Variants in SORL1 observed in about 807,000 individuals in gnomAD.
SORL1 encodes the protein sortilin related receptor 1.
A neutral mutation model predicts 273.7 loss-of-function variants in SORL1; 127 were observed. The observed-to-expected ratio is 0.46, with a 90% CI of 0.40 to 0.54. The LOEUF is 0.54. Among genes scored for constraint, SORL1 ranks in the 20% least tolerant of loss-of-function variants. The pLI is 0.00. For missense variants in SORL1, 2,494 were observed against 2,846.1 expected (o/e 0.88, Z 2.81); for synonymous variants, 1,031 against 1,067.4 (o/e 0.97, Z 0.66).
chr11:121,590,759 T>C lies in SORL1; in HGVS notation c.4214-242T>C, dbSNP rs943414945. ...CTGCAAAAGCAAACTTATCTGAATA[T>C]TAACCGAAATCAAATATAGTAAGGG... is the stretch of plus-strand genomic sequence containing the variant. On this transcript the variant is annotated intron_variant, in intron 30 of 47. Transcript: ENST00000260197. 1.2e-5 allele frequency: 9 copies of C among 720,588 alleles called. No homozygotes were observed. In the Admixed American group the frequency reaches 1.8e-4, roughly 14 times the overall value. The allele number at this position is 720,588 out of a possible 1,614,324, so 44.6% of individuals were successfully genotyped here.
At chr11:121,600,896 G>C (rs940416525) in intron 32 of SORL1, among the ~76,000 whole-genome samples, 18 of 142,972 alleles carry the variant, frequency 1.3e-4, no homozygotes, top group Admixed American at 1.2e-3. Context: ...TTAATTTAAG[G>C]CTCTTTTTTT....
chr11:121,579,281 C>T (rs1862979869), intron 25 of SORL1, among the ~76,000 whole-genome samples: 1 of 152,186 alleles, frequency 6.6e-6, no homozygotes, highest in Non-Finnish European at 1.5e-5. Flanking sequence ...CCTTCTCTGT[C>T]ATCTCAAAAT....
chr11:121,608,207 G>T (rs1186687752), intron 38 of SORL1, 31 bp downstream of exon 38: 1 of 1,554,306 alleles, frequency 6.4e-7, no homozygotes, highest in Non-Finnish European at 8.9e-7. Context: ...CAGATTTAGA[G>T]AAAATATTAT....
intron 3 of SORL1, 92 bp from the exon 4 acceptor site, chr11:121,487,940 G>C: frequency 7.4e-7 from 1 of 1,359,616 alleles, no homozygotes; most frequent in Non-Finnish European, 1.0e-6. Context: ...CCCTGCACAT[G>C]TGTGTACTCG....
At chr11:121,584,061 TG>T (rs972390207) in intron 26 of SORL1, among the ~76,000 whole-genome samples, 6 of 152,244 alleles carry the variant, frequency 3.9e-5, no homozygotes, top group African/African-American at 1.4e-4. Context: ...GCTTCCTGGT[TG>T]GGTGTTTGAG....
At chr11:121,559,713 C>T (rs978768363) in intron 21 of SORL1, 56 bp downstream of exon 21, 25 of 1,554,392 alleles carry the variant, frequency 1.6e-5, no homozygotes, top group Middle Eastern at 3.4e-4. Context: ...AAAGGGGCTG[C>T]GTGTGGCCAA....
intron 6 of SORL1, among the ~76,000 whole-genome samples, chr11:121,509,114 A>AT (rs558402196): frequency 0.018 from 2,517 of 139,882 alleles, 27 homozygotes; most frequent in Non-Finnish European, 0.029. Context: ...TTCATTTATG[A>AT]TTTTTTTTTT....
chr11:121,585,604 G>C (rs1863089937), intron 26 of SORL1, among the ~76,000 whole-genome samples: 1 of 151,724 alleles, frequency 6.6e-6, no homozygotes, highest in African/African-American at 2.4e-5. Flanking sequence ...GGTGTAGGTT[G>C]ATCTCCTCAC....
At chr11:121,605,637 C>T in intron 35 of SORL1, 66 bp downstream of exon 35, 1 of 1,311,962 alleles carries the variant, frequency 7.6e-7, no homozygotes, top group African/African-American at 1.5e-5. Flanking sequence ...GAGGGTCTTT[C>T]TGAGTATTCT....
rs78970262 is a variant in SORL1 at position 121,481,139 on chromosome 11, T to C, written c.528+2896T>C. On this transcript the variant is annotated intron_variant, in intron 3 of 47. Coordinates refer to ENST00000260197, the MANE Select transcript of SORL1 (RefSeq NM_003105.6). ...GATACCTGTAGGCAGACTCCATCTC[T>C]TCTTCCCCAGCTTCTTCCGTAGTGC... 3.0e-4 allele frequency among the ~76,000 whole-genome samples: 31 copies of C among 104,960 alleles called. No homozygotes were observed. Among genetic ancestry groups the C allele is most frequent in the Admixed American group, 1.1e-3 (11 of 10,106 alleles). The allele number at this position is 104,960 out of a possible 152,430, so 68.9% of individuals were successfully genotyped here. A position where few individuals can be genotyped will look rare whatever the true frequency, so the allele number is the denominator to read the frequency against.
At chr11:121,613,370 G>A (rs932381086) in intron 40 of SORL1, among the ~76,000 whole-genome samples, 4 of 152,186 alleles carry the variant, frequency 2.6e-5, no homozygotes, top group African/African-American at 9.7e-5. Flanking sequence ...ACGTGCTAAA[G>A]GATGGATTTT....
At chr11:121,584,632 C>T (rs1863065806) in intron 26 of SORL1, among the ~76,000 whole-genome samples, 1 of 151,882 alleles carries the variant, frequency 6.6e-6, no homozygotes, top group Admixed American at 6.6e-5. Context: ...CACTCTGTCA[C>T]CCAGGCTGGA....
intron 8 of SORL1, among the ~76,000 whole-genome samples, chr11:121,515,896 C>T (rs1419459799): frequency 1.3e-5 from 2 of 152,206 alleles, no homozygotes; most frequent in African/African-American, 4.8e-5. Flanking sequence ...ATCTGCCCGC[C>T]TTGGACTCCC....
In SORL1 at chr11:121,627,301, C is replaced by A; in HGVS notation, c.6365-254C>A. ...CCTTCCAAGAGATTATCTAAATAAC[C>A]AACAAGGCAGTGATTAGGAGTCTAA... is the stretch of plus-strand genomic sequence containing the variant. On this transcript the variant is annotated intron_variant, in intron 46 of 47. Coordinates refer to ENST00000260197, the MANE Select transcript of SORL1 (RefSeq NM_003105.6). This position sits in a 1 kb window ranked among gnomAD's most constrained non-coding sequence, Gnocchi z 4.9. 2.0e-6 allele frequency: 1 copy of A among 496,278 alleles called. No individual in the cohort carries two copies. 30.7% of individuals were successfully genotyped at this position (496,278 alleles called of 1,614,324 possible). A position where few individuals can be genotyped will look rare whatever the true frequency, so the allele number is the denominator to read the frequency against.
chr11:121,589,473 C>A, intron 29 of SORL1, 83 bp downstream of exon 29: 1 of 1,540,142 alleles, frequency 6.5e-7, no homozygotes, highest in Non-Finnish European at 8.9e-7. Flanking sequence ...TCACCGGCAA[C>A]CCCACTGCAG....
At chr11:121,500,073 T>G (rs1261088532) in intron 6 of SORL1, among the ~76,000 whole-genome samples, 1 of 152,248 alleles carries the variant, frequency 6.6e-6, no homozygotes, top group Non-Finnish European at 1.5e-5. Flanking sequence ...TTTTATTCCT[T>G]GCTTTTTGAC....
chr11:121,484,748 T>G (rs915562694), intron 3 of SORL1, among the ~76,000 whole-genome samples: 11 of 152,140 alleles, frequency 7.2e-5, no homozygotes, highest in African/African-American at 2.7e-4. Context: ...TTGAAAGTCA[T>G]GCCATGCTTC....
At chr11:121,622,376 A>G in intron 45 of SORL1, 108 bp downstream of exon 45, 1 of 631,384 alleles carries the variant, frequency 1.6e-6, no homozygotes, top group Non-Finnish European at 2.8e-6. Flanking sequence ...AAAAAAAGAA[A>G]GAAAAAGAAT....
rs753922361 is a variant in SORL1 at position 121,495,040 on chromosome 11, G to A, written c.759-1829G>A. Among the ~76,000 whole-genome samples the A allele has an allele frequency of 3.3e-5, 5 of 152,260 alleles. No individual in the cohort carries two copies. The East Asian group carries it at 9.6e-4, about 29-fold the overall frequency. On this transcript the variant is annotated intron_variant, in intron 5 of 47. Transcript: ENST00000260197. The stretch of plus-strand genomic sequence containing the variant: ...CTCCGTTGCCCTAAGAATCCAGATT[G>A]TAGGGCAAAACTCAAGTCTTGCTCC...
Sources: gnomAD v4.1 joint callset for allele counts (sites outside exome capture counted in the v4.1 genomes callset) on GRCh38, gnomAD v4.1.1 for gene constraint, Gnocchi (gnomAD v3.1) non-coding constraint, MANE v1.5 for transcripts, NCBI Gene and HGNC (gene_info 2026-07-23, HGNC 2026-07-21) for gene names.